The following RBM6 variants were observed in gnomAD, a reference collection of about 807,000 sequenced individuals.
RBM6 encodes RNA-binding protein 6.
In RBM6, 23 loss-of-function variants were observed where a neutral mutation model predicts 140.4. That is an observed-to-expected ratio of 0.16 (90% CI 0.12 to 0.23). The LOEUF is 0.23. RBM6 is among the 10% of genes least tolerant of loss of function. RBM6 has a pLI of 1.00. For missense variants in RBM6, 1,139 were observed against 1,386.7 expected (o/e 0.82, Z 2.84); for synonymous variants, 439 against 475.6 (o/e 0.92, Z 1.00).
intron 8 of RBM6, among the ~76,000 whole-genome samples, chr3:50,054,893 G>A (rs1171247247): frequency 2.6e-5 from 4 of 152,058 alleles, no homozygotes; most frequent in East Asian, 1.9e-4. Context: ...GCGCAATCTC[G>A]GATCACTGCA....
intron 1 of RBM6, among the ~76,000 whole-genome samples, chr3:49,956,779 C>T (rs2108601387): frequency 6.6e-6 from 1 of 151,980 alleles, no homozygotes; most frequent in African/African-American, 2.4e-5. Flanking sequence ...GATTCTCCTG[C>T]CTCAGCCTCC....
intron 6 of RBM6, among the ~76,000 whole-genome samples, chr3:50,031,368 G>A (rs1222477416): frequency 6.6e-6 from 1 of 152,158 alleles, no homozygotes; most frequent in Non-Finnish European, 1.5e-5. Flanking sequence ...TTAAGAAAAT[G>A]TGGCACATAT....
intron 15 of RBM6, among the ~76,000 whole-genome samples, chr3:50,063,729 C>T (rs569662168): frequency 6.6e-6 from 1 of 152,118 alleles, no homozygotes; most frequent in Admixed American, 6.5e-5. Flanking sequence ...GTGAAACCCC[C>T]ATCTCTACTA....
chr3:49,972,007 G>T, intron 3 of RBM6, 52 bp from the exon 4 acceptor site: 1 of 1,337,334 alleles, frequency 7.5e-7, no homozygotes, highest in Non-Finnish European at 1.1e-6. Flanking sequence ...GTTGATTTGT[G>T]TTTTGTGCAG....
intron 19 of RBM6, among the ~76,000 whole-genome samples, chr3:50,072,475 A>G (rs1383261677): frequency 6.6e-6 from 1 of 152,086 alleles, no homozygotes; most frequent in African/African-American, 2.4e-5. Context: ...AGCAGAAGGA[A>G]AGGGAGATAA....
chr3:49,944,675 C>T (rs889285046), intron 1 of RBM6, among the ~76,000 whole-genome samples: 1 of 151,642 alleles, frequency 6.6e-6, no homozygotes, highest in Non-Finnish European at 1.5e-5. Context: ...GGAGTTTCGC[C>T]ATGTTGGGCA....
chr3:49,979,748 A>G (rs2108666803), intron 5 of RBM6, among the ~76,000 whole-genome samples: 1 of 152,138 alleles, frequency 6.6e-6, no homozygotes, highest in Admixed American at 6.5e-5. Context: ...GCCAGCTTAC[A>G]ATTTTTTAAA....
rs138057225 is a variant in RBM6 at position 49,979,961 on chromosome 3, G to A, written c.1483+4569G>A. On this transcript the variant is annotated intron_variant, in intron 5 of 20. Coordinates refer to ENST00000266022, the MANE Select transcript of RBM6 (RefSeq NM_005777.3). ...ATGATGTATCAATGTTAAATTCCCC[G>A]AGTTGATAACTACTGTGGTTATGTT... Among the ~76,000 whole-genome samples the A allele has an allele frequency of 2.0e-4, 30 of 152,012 alleles. No individual in the cohort carries two copies. The East Asian group carries it at 2.9e-3, about 15-fold the overall frequency.
rs756861165 is a variant in RBM6, at chr3:49,967,818, A to G, written c.393A>G (p.Pro131=). 3.1e-6 allele frequency: 5 copies of G among 1,613,940 alleles called. No individual in the cohort carries two copies. In the South Asian group the frequency reaches 4.4e-5, roughly 14 times the overall value. ...GGGATTTTCGGGATAGAGAAGGACC[A>G]CCTATGGACTATAGGGGTGGAGATG... The part of the protein sequence containing the change: ...HSGDFRDREG[P]PMDYRGGDGT... Residue 131 remains proline (P), a synonymous_variant, in exon 3 of 21, where the codon CCA becomes CCG. Coordinates refer to ENST00000266022, the MANE Select transcript of RBM6 (RefSeq NM_005777.3). This position sits in a 1 kb window ranked among gnomAD's most constrained non-coding sequence, Gnocchi z 4.0.
intron 5 of RBM6, among the ~76,000 whole-genome samples, chr3:49,988,349 G>T (rs1316926312): frequency 6.6e-6 from 1 of 151,874 alleles, no homozygotes; most frequent in Admixed American, 6.6e-5. Context: ...TCACTGTCTT[G>T]CCCAGGCAGG....
chr3:49,951,371 T>G (rs2108584955), intron 1 of RBM6, among the ~76,000 whole-genome samples: 2 of 151,560 alleles, frequency 1.3e-5, no homozygotes, highest in Middle Eastern at 6.8e-3. Flanking sequence ...TTCCACCTTG[T>G]CCGGCTGATT....
chr3:50,058,626 G>C (rs1236416675), intron 10 of RBM6, 64 bp downstream of exon 10: 3 of 1,494,076 alleles, frequency 2.0e-6, no homozygotes, highest in Non-Finnish European at 2.8e-6. Context: ...AAGAAGGTTT[G>C]ACTGGGGGCC....
intron 6 of RBM6, among the ~76,000 whole-genome samples, chr3:50,002,802 A>G (rs959235491): frequency 1.3e-5 from 2 of 152,196 alleles, no homozygotes; most frequent in African/African-American, 2.4e-5. Context: ...GACATAGTAA[A>G]CAATCTTATG....
intron 6 of RBM6, among the ~76,000 whole-genome samples, chr3:50,013,515 A>G (rs549614754): frequency 6.6e-6 from 1 of 152,228 alleles, no homozygotes; most frequent in African/African-American, 2.4e-5. Context: ...TAAAAATACA[A>G]AAATTAGCTG....
At chr3:49,993,902 A>G (rs2085947028) in intron 5 of RBM6, among the ~76,000 whole-genome samples, 1 of 152,180 alleles carries the variant, frequency 6.6e-6, no homozygotes, top group Admixed American at 6.5e-5. Context: ...AGATAGTGCC[A>G]TTGCACTCTA....
Position 50,061,175 on chromosome 3 carries a change from C to A in RBM6, c.2307C>A (p.Gly769=), listed in dbSNP as rs1032431305. The change falls in exon 13 of 21, where the codon GGC becomes GGA. Residue 769 remains glycine, a synonymous_variant. Transcript: ENST00000266022. The stretch of plus-strand genomic sequence containing the variant: ...ATTTCCGAGATAGGAGGGGAGGTGG[C>A]AGAAATTCAGACTGGTCTTCAGATA... ...KKYFRDRRGG[G]RNSDWSSDTN... is the part of the protein sequence containing the mutation. 1 of 1,614,156 alleles carries A rather than the reference C, an allele frequency of 6.2e-7. No individual in the cohort carries two copies. The highest frequency in any genetic ancestry group is 8.5e-7 in the Non-Finnish European group (1 of 1,180,028).
chr3:50,070,042 A>T (rs889056895), intron 18 of RBM6, among the ~76,000 whole-genome samples: 2 of 152,174 alleles, frequency 1.3e-5, no homozygotes, highest in Admixed American at 6.5e-5. Context: ...GGAGTTACCA[A>T]GTGAGCTACT....
intron 5 of RBM6, among the ~76,000 whole-genome samples, chr3:49,995,571 G>A (rs1206673550): frequency 4.6e-5 from 7 of 151,578 alleles, no homozygotes; most frequent in Non-Finnish European, 1.0e-4. Context: ...AGTATAAGGA[G>A]TATTCACATT....
At chr3:50,042,144 T>A (rs932760986) in intron 6 of RBM6, among the ~76,000 whole-genome samples, 1 of 152,190 alleles carries the variant, frequency 6.6e-6, no homozygotes, top group Non-Finnish European at 1.5e-5. Context: ...CAGTACCAGT[T>A]CTCAGCCACC....
Sources: gnomAD v4.1 joint callset for allele counts (sites outside exome capture counted in the v4.1 genomes callset) on GRCh38, gnomAD v4.1.1 for gene constraint, Gnocchi (gnomAD v3.1) non-coding constraint, MANE v1.5 for transcripts, NCBI Gene and HGNC (gene_info 2026-07-23, HGNC 2026-07-21) for gene names.